The following SESN1 variants were observed in gnomAD, a reference collection of about 807,000 sequenced individuals.
SESN1 encodes the protein sestrin 1.
In SESN1, 30 loss-of-function variants were observed where a neutral mutation model predicts 59.3. That is an observed-to-expected ratio of 0.51 (90% confidence interval 0.38 to 0.69). SESN1 has a LOEUF of 0.69. Ranked by LOEUF, SESN1 falls within the 30% of genes least tolerant of loss-of-function variation. SESN1 has a pLI of 0.00. For synonymous variants in SESN1, 197 were observed against 219.9 expected (o/e 0.90, Z 0.92); for missense variants, 566 against 673.0 (o/e 0.84, Z 1.76).
intron 1 of SESN1, among the ~76,000 whole-genome samples, chr6:109,038,911 A>G (rs1379054192): frequency 6.7e-6 from 1 of 149,790 alleles, no homozygotes; most frequent in African/African-American, 2.5e-5. Context: ...AGAAAAAAGG[A>G]AGGAGGAGGA....
chr6:109,026,631 A>C (rs1389499172), intron 1 of SESN1, among the ~76,000 whole-genome samples: 26 of 151,994 alleles, frequency 1.7e-4, no homozygotes, highest in Non-Finnish European at 4.4e-5. Context: ...CAGCCTCCCG[A>C]GTAGCTAGGA....
At chr6:109,045,536 A>G (rs111579019) in intron 1 of SESN1, among the ~76,000 whole-genome samples, 507 of 152,338 alleles carry the variant, frequency 3.3e-3, no homozygotes, top group African/African-American at 9.8e-3. Flanking sequence ...CTTCAAACAC[A>G]GTAAATCTCA....
Position 109,094,103 on chromosome 6 carries a change from T to C in SESN1, c.-30A>G, listed in dbSNP as rs772011815. The C allele has an allele frequency of 1.3e-6, 2 of 1,585,602 alleles. No homozygotes were observed. The highest frequency in any genetic ancestry group is 1.7e-6 in the Non-Finnish European group (2 of 1,164,508). On this transcript the variant is annotated 5_prime_UTR_variant, in exon 1 of 10. Transcript: ENST00000436639. ...ATAGTTTTTCCTTTGCGGTCTTCAG[T>C]TACCTTTCAGCATGCCCCAAAAAAA... is the stretch of plus-strand genomic sequence containing the variant.
At chr6:109,090,904 G>A (rs557079186) in intron 1 of SESN1, among the ~76,000 whole-genome samples, 1 of 152,074 alleles carries the variant, frequency 6.6e-6, no homozygotes, top group Non-Finnish European at 1.5e-5. Flanking sequence ...TGAATAGCTG[G>A]TACTACAGGT....
intron 8 of SESN1, 44 bp from the exon 9 acceptor site, chr6:108,988,731 A>AC (rs1779272899): frequency 6.7e-7 from 1 of 1,483,050 alleles, no homozygotes; most frequent in Non-Finnish European, 9.1e-7. Flanking sequence ...TCAGTGTATA[A>AC]CCTGTTTTCA....
chr6:109,018,838 A>T (rs1328866928), intron 1 of SESN1, among the ~76,000 whole-genome samples: 2 of 152,184 alleles, frequency 1.3e-5, no homozygotes, highest in African/African-American at 4.8e-5. Context: ...ATTACTAGAG[A>T]AGTTTCTCTG....
intron 5 of SESN1, among the ~76,000 whole-genome samples, chr6:108,995,447 G>T (rs570349880): frequency 2.0e-5 from 3 of 152,196 alleles, no homozygotes; most frequent in Non-Finnish European, 2.9e-5. Flanking sequence ...TCTGGCAGCT[G>T]TCACTTGCTG....
intron 1 of SESN1, among the ~76,000 whole-genome samples, chr6:109,007,085 C>A (rs1464734611): frequency 6.6e-6 from 1 of 152,168 alleles, no homozygotes; most frequent in African/African-American, 2.4e-5. Flanking sequence ...CCCTCAACAA[C>A]CTAATAACCA....
intron 1 of SESN1, among the ~76,000 whole-genome samples, chr6:109,085,435 C>A (rs929964966): frequency 3.9e-5 from 6 of 151,998 alleles, no homozygotes; most frequent in Non-Finnish European, 7.4e-5. Context: ...AGGAGAATGG[C>A]GTGAACCCCG....
chr6:109,080,721 C>T (rs748009760), intron 1 of SESN1, among the ~76,000 whole-genome samples: 1 of 152,148 alleles, frequency 6.6e-6, no homozygotes, highest in Non-Finnish European at 1.5e-5. Context: ...TTGGAAAGCA[C>T]AGACTCTTGA....
At position 108,992,772 on chromosome 6, in the gene SESN1, A is replaced by G; in HGVS notation, c.1233+15T>C. 4 of 1,496,638 alleles carry G rather than the reference A, an allele frequency of 2.7e-6. No homozygotes were observed. The highest frequency in any genetic ancestry group is 3.7e-6 in the Non-Finnish European group (4 of 1,072,936). 92.7% of individuals were successfully genotyped at this position (1,496,638 alleles called of 1,614,324 possible). On this transcript the variant is annotated intron_variant, in intron 7 of 9. Transcript: ENST00000436639. ...TATTTCTAGTCAATCATGTGCATACAAGTTGCAATTTTACCTGGACACGAA... is the reference window on the plus strand; with the variant it reads ...TATTTCTAGTCAATCATGTGCATACGAGTTGCAATTTTACCTGGACACGAA...
chr6:108,994,771 C>G (rs558631260), intron 5 of SESN1, among the ~76,000 whole-genome samples, 162 bp from the exon 6 acceptor site: 1 of 144,524 alleles, frequency 6.9e-6, no homozygotes, highest in Admixed American at 7.2e-5. Flanking sequence ...GGCGCGATCT[C>G]GGCTCACTGC....
rs1473009395 is a variant in SESN1 at position 109,009,527 on chromosome 6, GC to G, written c.280-7185del. On this transcript the variant is annotated intron_variant, in intron 1 of 9. Transcript: ENST00000436639. ...GCTGGGCAGCCGGCCGCGGCTCCTGGCTGCAGCGCCTCAGTCAGCACGGACG... is the reference window on the plus strand; with the variant it reads ...GCTGGGCAGCCGGCCGCGGCTCCTGGTGCAGCGCCTCAGTCAGCACGGACG... 34 of 1,179,968 alleles carry G rather than the reference GC, an allele frequency of 2.9e-5. No individual in the cohort carries two copies. The African/African-American group carries it at 5.2e-4, about 18-fold the overall frequency. 73.1% of individuals were successfully genotyped at this position (1,179,968 alleles called of 1,614,324 possible).
chr6:109,038,909 G>C (rs1429834029), intron 1 of SESN1, among the ~76,000 whole-genome samples: 1 of 143,166 alleles, frequency 7.0e-6, no homozygotes, highest in South Asian at 2.1e-4. Context: ...GGAGAAAAAA[G>C]GAAGGAGGAG....
At chr6:109,059,845 T>G (rs1780702284) in intron 1 of SESN1, among the ~76,000 whole-genome samples, 1 of 152,212 alleles carries the variant, frequency 6.6e-6, no homozygotes, top group Admixed American at 6.5e-5. Flanking sequence ...ATGATAATAT[T>G]CCCGAGACTT....
chr6:109,009,209 G>T, intron 1 of SESN1: 1 of 823,532 alleles, frequency 1.2e-6, no homozygotes, highest in Non-Finnish European at 1.7e-6. Flanking sequence ...GCTGCTCCCC[G>T]GGAGCCCGCC....
At chr6:109,028,203 A>G (rs1373757554) in intron 1 of SESN1, among the ~76,000 whole-genome samples, 2 of 152,208 alleles carry the variant, frequency 1.3e-5, no homozygotes, top group Non-Finnish European at 2.9e-5. Context: ...TTAATAGATC[A>G]TATAAATTTT....
chr6:109,072,172 TTA>T (rs1780950115), intron 1 of SESN1, among the ~76,000 whole-genome samples: 1 of 152,214 alleles, frequency 6.6e-6, no homozygotes, highest in African/African-American at 2.4e-5. Flanking sequence ...CTCTTAATTA[TTA>T]GCATTTCAAA....
At chr6:109,020,124 A>G (rs555429179) in intron 1 of SESN1, among the ~76,000 whole-genome samples, 1 of 152,356 alleles carries the variant, frequency 6.6e-6, no homozygotes, top group Middle Eastern at 3.4e-3. Context: ...CCAATCACAA[A>G]GCAGACAAAC....
Sources: gnomAD v4.1 joint callset for allele counts (sites outside exome capture counted in the v4.1 genomes callset) on GRCh38, gnomAD v4.1.1 for gene constraint, MANE v1.5 for transcripts, NCBI Gene and HGNC (gene_info 2026-07-23, HGNC 2026-07-21) for gene names.